Variants in FRMD4A observed in about 807,000 individuals in gnomAD.
FRMD4A encodes FERM domain-containing protein 4A.
A neutral mutation model predicts 129.1 loss-of-function variants in FRMD4A; 29 were observed. The observed-to-expected ratio is 0.22, with a 90% CI of 0.17 to 0.31. The LOEUF (loss-of-function observed/expected upper bound fraction) is 0.31. FRMD4A is among the 10% of genes least tolerant of loss of function. FRMD4A has a pLI of 1.00. For synonymous variants in FRMD4A, 634 were observed against 571.6 expected (o/e 1.11, Z -1.56); for missense variants, 1,272 against 1,375.8 (o/e 0.92, Z 1.19).
At chr10:13,963,020 T>C (rs1252680873) in intron 2 of FRMD4A, among the ~76,000 whole-genome samples, 1 of 152,222 alleles carries the variant, frequency 6.6e-6, no homozygotes, top group East Asian at 1.9e-4. Flanking sequence ...TTTGAAAATG[T>C]AAGAAGTGAG....
intron 2 of FRMD4A, among the ~76,000 whole-genome samples, chr10:13,929,864 T>C (rs1334862576): frequency 6.6e-6 from 1 of 152,168 alleles, no homozygotes; most frequent in Non-Finnish European, 1.5e-5. Flanking sequence ...TTTCTTTGTG[T>C]CAGTTTGCTC....
chr10:14,124,872 T>A (rs989401962), intron 2 of FRMD4A, among the ~76,000 whole-genome samples: 5 of 152,168 alleles, frequency 3.3e-5, no homozygotes, highest in African/African-American at 1.2e-4. Context: ...GTGTGTAATT[T>A]TTCACCTCTA....
chr10:14,265,072 G>A (rs1265340529), intron 2 of FRMD4A, among the ~76,000 whole-genome samples: 2 of 152,190 alleles, frequency 1.3e-5, no homozygotes, highest in Non-Finnish European at 2.9e-5. Flanking sequence ...GTGAGCCACT[G>A]AGCCTGGCCT....
In FRMD4A at chr10:13,825,240, G is replaced by A. The variant is rs563442185; in HGVS notation, c.112-14332C>T. On this transcript the variant is annotated intron_variant, in intron 3 of 24. Coordinates refer to ENST00000357447, the MANE Select transcript of FRMD4A (RefSeq NM_018027.5). ...GGCCATTATGAAATCAAGTAAGGTT[G>A]ACTTGAACACAAGTGCTGCCATCCT... Among the ~76,000 whole-genome samples the A allele has an allele frequency of 1.1e-3, 174 of 152,322 alleles. 1 individual carries two copies. Among genetic ancestry groups the A allele is most frequent in the South Asian group, 2.7e-3 (13 of 4,822 alleles).
chr10:13,662,435 G>A (rs1025168510), intron 19 of FRMD4A, among the ~76,000 whole-genome samples: 1 of 152,032 alleles, frequency 6.6e-6, no homozygotes, highest in Non-Finnish European at 1.5e-5. Flanking sequence ...GCCTGCCTGA[G>A]GTTTCCATAC....
chr10:13,685,532 C>A, intron 15 of FRMD4A: 1 of 985,144 alleles, frequency 1.0e-6, no homozygotes, highest in Non-Finnish European at 1.2e-6. Flanking sequence ...TATTGCAATA[C>A]CAACGTTTGC....
chr10:14,015,394 C>T (rs1398366268), intron 2 of FRMD4A, among the ~76,000 whole-genome samples: 1 of 149,442 alleles, frequency 6.7e-6, no homozygotes, highest in Non-Finnish European at 1.5e-5. Flanking sequence ...CTTCCCCTCC[C>T]CTCGCCTCCC....
intron 24 of FRMD4A, among the ~76,000 whole-genome samples, chr10:13,650,576 C>T (rs2081490872): frequency 6.6e-6 from 1 of 152,162 alleles, no homozygotes; most frequent in Non-Finnish European, 1.5e-5. Context: ...GAGAAAAAGG[C>T]CATTCTTCCT....
chr10:14,048,793 G>A (rs182790203), intron 2 of FRMD4A, among the ~76,000 whole-genome samples: 33 of 151,350 alleles, frequency 2.2e-4, no homozygotes, highest in African/African-American at 7.5e-4. Context: ...GTGACAGAGC[G>A]AGACTCTTGT....
chr10:13,651,334 T>G (rs960482454), intron 24 of FRMD4A: 1 of 152,424 alleles, frequency 6.6e-6, no homozygotes, highest in African/African-American at 2.4e-5. Context: ...CCTTGGTGCT[T>G]TGAAACTTAC....
intron 2 of FRMD4A, among the ~76,000 whole-genome samples, chr10:13,859,137 G>A (rs1055458377): frequency 6.6e-6 from 1 of 152,184 alleles, no homozygotes; most frequent in Admixed American, 6.5e-5. Flanking sequence ...CAGTACTTTA[G>A]GAGGCCAAGG....
intron 3 of FRMD4A, among the ~76,000 whole-genome samples, chr10:13,854,314 C>T (rs939744103): frequency 2.6e-5 from 4 of 152,166 alleles, no homozygotes; most frequent in African/African-American, 4.8e-5. Flanking sequence ...TTAGGGAGTT[C>T]GGCTGACCAT....
chr10:13,957,198 CAGAGACCTTAGGGAGGT>C (rs1169110316), intron 2 of FRMD4A, among the ~76,000 whole-genome samples: 1 of 152,210 alleles, frequency 6.6e-6, no homozygotes, highest in Non-Finnish European at 1.5e-5. Flanking sequence ...AACAAACAGG[CAGAGACCTTAGGGAGGT>C]TACAGTGTGC....
intron 2 of FRMD4A, among the ~76,000 whole-genome samples, chr10:14,078,623 T>C (rs1008863700): frequency 2.0e-5 from 3 of 152,246 alleles, no homozygotes; most frequent in South Asian, 4.1e-4. Context: ...TGTTTTCTCA[T>C]GTGAGCCTCA....
intron 2 of FRMD4A, among the ~76,000 whole-genome samples, chr10:13,983,907 G>T (rs1162489812): frequency 6.6e-6 from 1 of 152,042 alleles, no homozygotes; most frequent in African/African-American, 2.4e-5. Context: ...GGAGGCTGCG[G>T]CAGGAGAATC....
intron 3 of FRMD4A, among the ~76,000 whole-genome samples, chr10:13,846,284 T>G (rs1364066958): frequency 6.6e-6 from 1 of 152,240 alleles, no homozygotes; most frequent in Non-Finnish European, 1.5e-5. Flanking sequence ...ATGCAATTAC[T>G]TTCGCACCAA....
intron 2 of FRMD4A, among the ~76,000 whole-genome samples, chr10:14,219,151 A>C (rs1303438221): frequency 6.6e-6 from 1 of 152,118 alleles, no homozygotes; most frequent in Non-Finnish European, 1.5e-5. Flanking sequence ...AGATGGAAAC[A>C]CAACAACAAA....
chr10:14,293,910 G>A (rs546051251), intron 2 of FRMD4A, among the ~76,000 whole-genome samples: 5 of 151,032 alleles, frequency 3.3e-5, no homozygotes, highest in Non-Finnish European at 5.9e-5. Context: ...CAATGTTAAG[G>A]AACCTCAAAG....
chr10:13,665,294 G>A (rs187719296), intron 18 of FRMD4A, among the ~76,000 whole-genome samples: 2 of 152,022 alleles, frequency 1.3e-5, no homozygotes, highest in East Asian at 1.9e-4. Flanking sequence ...ACTGAAACTC[G>A]GTATCTATCA....
Sources: gnomAD v4.1 joint callset for allele counts (sites outside exome capture counted in the v4.1 genomes callset) on GRCh38, gnomAD v4.1.1 for gene constraint, MANE v1.5 for transcripts, NCBI Gene and HGNC (gene_info 2026-07-23, HGNC 2026-07-21) for gene names.